The following LRRC4C variants were observed in gnomAD, a reference collection of about 807,000 sequenced individuals.
LRRC4C encodes the protein leucine-rich repeat-containing protein 4C.
A neutral mutation model predicts 33.6 loss-of-function variants in LRRC4C; 5 were observed. The ratio of observed to expected loss-of-function variants is 0.15; its 90% CI spans 0.08 to 0.31. LRRC4C has a LOEUF of 0.31. Ranked by LOEUF, LRRC4C falls within the 10% of genes least tolerant of loss-of-function variation. The probability of loss-of-function intolerance (pLI) is 1.00; values close to 1 mark genes in which losing one functional copy is unlikely to be tolerated. For missense variants in LRRC4C, 560 were observed against 796.7 expected, an observed-to-expected ratio of 0.70 and a Z score of 3.58; for synonymous variants, 329 against 302.0, an observed-to-expected ratio of 1.09 and a Z score of -0.93.
At chr11:41,352,821 T>C (rs1433462196) in intron 1 of LRRC4C, among the ~76,000 whole-genome samples, 2 of 151,934 alleles carry the variant, frequency 1.3e-5, no homozygotes, top group Non-Finnish European at 2.9e-5. Context: ...ATTATTAAAC[T>C]AATGAAAATA....
chr11:41,087,870 T>G (rs770420958), intron 1 of LRRC4C, among the ~76,000 whole-genome samples: 7 of 152,178 alleles, frequency 4.6e-5, no homozygotes, highest in Non-Finnish European at 1.0e-4. Context: ...AAGTCTTTAG[T>G]AAATATTAGC....
chr11:40,114,752 C>T lies in LRRC4C; in HGVS notation c.1541G>A (p.Ser514Asn), dbSNP rs1855290904. The T allele has an allele frequency of 2.5e-6, 4 of 1,614,150 alleles. No individual in the cohort carries two copies. Among genetic ancestry groups the T allele is most frequent in the Non-Finnish European group, 3.4e-6 (4 of 1,180,026 alleles). ...TFTIPVTDIN[S>N]GIPGIDEVMK... ...GACCTCATCAATTCCTGGGATCCCA[C>T]TGTTTATATCAGTCACTGGGATGGT... The change falls in exon 7 of 7, where the codon AGT becomes AAT. Residue 514 changes from serine to asparagine, a missense_variant. By Grantham distance (46) the Ser-to-Asn change is conservative. Transcript: ENST00000528697.
chr11:41,347,713 T>A (rs1466118374), intron 1 of LRRC4C, among the ~76,000 whole-genome samples: 1 of 152,164 alleles, frequency 6.6e-6, no homozygotes, highest in Non-Finnish European at 1.5e-5. Flanking sequence ...TAAAACGTGT[T>A]GCATAAAGTT....
chr11:41,380,869 T>C (rs1391432167), intron 1 of LRRC4C, among the ~76,000 whole-genome samples: 1 of 152,154 alleles, frequency 6.6e-6, no homozygotes, highest in Non-Finnish European at 1.5e-5. Context: ...ACATCTGCAA[T>C]GTCAGGATAG....
chr11:40,915,305 G>A (rs1956902387), intron 2 of LRRC4C, among the ~76,000 whole-genome samples: 1 of 152,200 alleles, frequency 6.6e-6, no homozygotes, highest in South Asian at 2.1e-4. Flanking sequence ...ATACTACAAG[G>A]CTACAGTAAC....
At chr11:40,851,294 T>G (rs1005862349) in intron 2 of LRRC4C, among the ~76,000 whole-genome samples, 3 of 151,868 alleles carry the variant, frequency 2.0e-5, no homozygotes, top group African/African-American at 7.3e-5. Flanking sequence ...TCCTGGTGGG[T>G]GGGTTGTGAA....
intron 1 of LRRC4C, among the ~76,000 whole-genome samples, chr11:41,044,250 G>C (rs184855697): frequency 6.6e-6 from 1 of 152,058 alleles, no homozygotes; most frequent in South Asian, 2.1e-4. Context: ...ACTTCGAACC[G>C]TGTCACAGTG....
intron 3 of LRRC4C, among the ~76,000 whole-genome samples, chr11:40,463,073 G>A (rs950136778): frequency 4.6e-5 from 7 of 152,082 alleles, no homozygotes; most frequent in African/African-American, 1.7e-4. Flanking sequence ...CACTGAACAA[G>A]TAACTATGGT....
chr11:40,766,608 A>G (rs1055085342), intron 2 of LRRC4C, among the ~76,000 whole-genome samples: 4 of 152,040 alleles, frequency 2.6e-5, no homozygotes, highest in African/African-American at 9.7e-5. Flanking sequence ...TTGAAAAGTT[A>G]TGGTGATAAA....
intron 1 of LRRC4C, among the ~76,000 whole-genome samples, chr11:41,291,275 T>C (rs1174050512): frequency 6.6e-6 from 1 of 152,162 alleles, no homozygotes; most frequent in African/African-American, 2.4e-5. Context: ...TGATATTAGA[T>C]AGATTGCTGT....
intron 5 of LRRC4C, among the ~76,000 whole-genome samples, chr11:40,172,689 C>T (rs950656762): frequency 3.9e-5 from 6 of 152,028 alleles, no homozygotes; most frequent in East Asian, 3.9e-4. Flanking sequence ...GCAACAGTTT[C>T]TGAAGTAAAG....
intron 3 of LRRC4C, among the ~76,000 whole-genome samples, chr11:40,357,674 T>C (rs1252805521): frequency 6.7e-6 from 1 of 148,722 alleles, no homozygotes; most frequent in Non-Finnish European, 1.5e-5. Context: ...AAAACCCTTC[T>C]CTCTCTCTCT....
chr11:40,912,135 C>T (rs2136279761), intron 2 of LRRC4C, among the ~76,000 whole-genome samples: 1 of 152,270 alleles, frequency 6.6e-6, no homozygotes, highest in Non-Finnish European at 1.5e-5. Flanking sequence ...GGATATTATC[C>T]AGGAGAACTT....
chr11:41,426,191 T>C (rs1955036289), intron 1 of LRRC4C: 1 of 152,192 alleles, frequency 6.6e-6, no homozygotes. Flanking sequence ...ACTAGTGACA[T>C]CTTCCCAGAT....
At chr11:41,147,684 A>C (rs932904209) in intron 1 of LRRC4C, among the ~76,000 whole-genome samples, 2 of 152,220 alleles carry the variant, frequency 1.3e-5, no homozygotes, top group African/African-American at 4.8e-5. Context: ...AAACCTAAAC[A>C]TCATGGCTTT....
rs1949443028 is a variant in LRRC4C, at chr11:40,766,134, C to A, written c.-406-117856G>T. ...CTCCAATAGATCTGACAGCAGACTT[C>A]TCAGTGGAAACCTCATAGGCCAGGA... is the stretch of plus-strand genomic sequence containing the variant. On this transcript the variant is annotated intron_variant, in intron 2 of 6. Coordinates refer to ENST00000528697, the MANE Select transcript of LRRC4C (RefSeq NM_001258419.2). 2.0e-5 allele frequency among the ~76,000 whole-genome samples: 3 copies of A among 149,318 alleles called. No homozygotes were observed. The South Asian group carries it at 6.3e-4, about 32-fold the overall frequency.
chr11:40,646,168 T>C (rs1192760221), intron 3 of LRRC4C, among the ~76,000 whole-genome samples: 1 of 152,178 alleles, frequency 6.6e-6, no homozygotes, highest in Non-Finnish European at 1.5e-5. Context: ...CAGCAGGAGC[T>C]GAAGCTGTTA....
At chr11:40,568,056 T>C in intron 3 of LRRC4C, among the ~76,000 whole-genome samples, 1 of 152,180 alleles carries the variant, frequency 6.6e-6, no homozygotes, top group East Asian at 1.9e-4. Context: ...TCCCCGCCCC[T>C]TCAGTGTGGG....
chr11:41,271,410 T>C (rs1209085290), intron 1 of LRRC4C, among the ~76,000 whole-genome samples: 1 of 152,064 alleles, frequency 6.6e-6, no homozygotes, highest in Non-Finnish European at 1.5e-5. Flanking sequence ...CTCATTCACA[T>C]TCTCTCTGTT....
Sources: allele counts gnomAD v4.1 joint callset (sites outside exome capture counted in the v4.1 genomes callset), GRCh38; gene constraint gnomAD v4.1.1; transcripts MANE v1.5; gene names NCBI Gene and HGNC (gene_info 2026-07-23, HGNC 2026-07-21).